Variants in SIPA1L2 observed in about 807,000 individuals in gnomAD.
SIPA1L2 encodes the protein signal-induced proliferation-associated 1-like protein 2.
Under a neutral mutation model 163.9 loss-of-function variants are expected in SIPA1L2, and 56 were observed. The ratio of observed to expected loss-of-function variants is 0.34; its 90% CI spans 0.28 to 0.43. The LOEUF (loss-of-function observed/expected upper bound fraction) is 0.43, where lower values mean the gene tolerates loss of function less well. SIPA1L2 is among the 20% of genes least tolerant of loss of function. SIPA1L2 has a pLI of 1.00. For missense variants in SIPA1L2, 1,974 were observed against 2,193.5 expected (o/e 0.90, Z 2.00); for synonymous variants, 877 against 865.7 (o/e 1.01, Z -0.23).
At position 232,514,022 on chromosome 1, in the gene SIPA1L2, A is replaced by G. The variant is rs1667101723; in HGVS notation, c.1318T>C (p.Cys440Arg). The G allele has an allele frequency of 1.2e-6, 2 of 1,614,206 alleles. No individual in the cohort carries two copies. The highest frequency in any genetic ancestry group is 8.5e-7 in the Non-Finnish European group (1 of 1,180,024). ...GAGCTGAGTGACGATTCGAAAGAGC[A>G]GCTTTCCCCAGAACTGAAAGAGGAT... ...NSSSFSSGESCSFESSLSSHC... is the reference protein window; with the variant it reads ...NSSSFSSGESRSFESSLSSHC... Residue 440 changes from cysteine (C) to arginine (R), a missense_variant, in exon 3 of 23, where the codon TGC becomes CGC. By Grantham distance (180) the Cys-to-Arg change is radical (BLOSUM62 -3). This residue lies in a region of SIPA1L2 where 607 missense variants were observed against 624.0 expected (regional missense o/e 0.97). Transcript: ENST00000674635.
Position 232,514,950 on chromosome 1 carries a change from G to A in SIPA1L2, c.390C>T (p.Leu130=), listed in dbSNP as rs373470985. ...DQSEGQQDEQ[L]DLDFVEAKYT... is the part of the protein sequence containing the mutation. Reference sequence around the variant, plus strand: ...ACTTGGCCTCCACGAAGTCCAGATCGAGCTGTTCATCTTGCTGACCTTCAC... The same window carrying A: ...ACTTGGCCTCCACGAAGTCCAGATCAAGCTGTTCATCTTGCTGACCTTCAC... The change falls in exon 3 of 23, where the codon CTC becomes CTT. Residue 130 remains leucine (L), a synonymous_variant. Transcript: ENST00000674635. 13 of 1,613,968 alleles carry A rather than the reference G, an allele frequency of 8.1e-6. No individual in the cohort carries two copies. Among genetic ancestry groups the A allele is most frequent in the East Asian group, 4.5e-5 (2 of 44,876 alleles).
chr1:232,536,746 A>G (rs1035757386), intron 2 of SIPA1L2, among the ~76,000 whole-genome samples: 11 of 152,222 alleles, frequency 7.2e-5, no homozygotes, highest in Non-Finnish European at 1.0e-4. Context: ...ATTTCACTAT[A>G]TAAGTAATAA....
intron 5 of SIPA1L2, among the ~76,000 whole-genome samples, chr1:232,486,070 C>T (rs570284583): frequency 7.2e-5 from 11 of 152,152 alleles, no homozygotes; most frequent in Admixed American, 2.0e-4. Context: ...TGCCCCAGCA[C>T]GCAAAGGCAG....
At chr1:232,438,527 T>A (rs920899506) in intron 15 of SIPA1L2, among the ~76,000 whole-genome samples, 1 of 152,062 alleles carries the variant, frequency 6.6e-6, no homozygotes, top group Non-Finnish European at 1.5e-5. Context: ...TAAGGAGATA[T>A]TAAACATCTA....
At chr1:232,475,741 C>CA (rs1368456361) in intron 7 of SIPA1L2, among the ~76,000 whole-genome samples, 1 of 152,106 alleles carries the variant, frequency 6.6e-6, no homozygotes, top group African/African-American at 2.4e-5. Context: ...ATAACAAGAG[C>CA]AAATGTACAA....
At chr1:232,522,457 C>T (rs1231183071) in intron 2 of SIPA1L2, among the ~76,000 whole-genome samples, 1 of 151,008 alleles carries the variant, frequency 6.6e-6, no homozygotes, top group Non-Finnish European at 1.5e-5. Flanking sequence ...AAAGCCTTCT[C>T]AAACCTTAAG....
In SIPA1L2 at chr1:232,402,450, G is replaced by T; in HGVS notation, c.4964C>A (p.Thr1655Asn). 1 of 1,613,588 alleles carries T rather than the reference G, an allele frequency of 6.2e-7. No homozygotes were observed. The highest frequency in any genetic ancestry group is 8.5e-7 in the Non-Finnish European group (1 of 1,179,588). The change falls in exon 22 of 23, where the codon ACC (threonine) becomes AAC (asparagine). Residue 1655 changes from threonine to asparagine, a missense_variant. By Grantham distance (65) the Thr-to-Asn change is moderately conservative. Transcript: ENST00000674635. ...TTGERSPSPL[T>N]GKVNQLELIL... ...TAATTCCAGCTGATTGACTTTCCCG[G>T]TCAGTGGTGATGGAGAACGCTCCCT...
chr1:232,509,911 C>T (rs997397233), intron 3 of SIPA1L2, among the ~76,000 whole-genome samples: 11 of 152,258 alleles, frequency 7.2e-5, no homozygotes, highest in South Asian at 2.1e-4. Context: ...TCCTGGTGGC[C>T]GCTCCTTCCC....
In SIPA1L2 at chr1:232,592,618, A is replaced by C. The variant is rs187127816; in HGVS notation, c.-318-18396T>G. On this transcript the variant is annotated intron_variant, in intron 1 of 22. Coordinates refer to ENST00000674635, the MANE Select transcript of SIPA1L2 (RefSeq NM_020808.5). ...AAGAAAAACTTAGTGAATCAAAGGA[A>C]GGAAAGTTTACTGTTACCCCAAAAC... Among the ~76,000 whole-genome samples the C allele has an allele frequency of 1.1e-4, 16 of 152,342 alleles. No individual in the cohort carries two copies. In the East Asian group the frequency reaches 2.9e-3, roughly 28 times the overall value.
chr1:232,479,288 A>C (rs199615515), intron 7 of SIPA1L2, among the ~76,000 whole-genome samples: 17 of 152,348 alleles, frequency 1.1e-4, no homozygotes, highest in South Asian at 1.0e-3. Context: ...TCTATAAATA[A>C]GCTATTTACC....
At chr1:232,518,126 T>C (rs1175362607) in intron 2 of SIPA1L2, among the ~76,000 whole-genome samples, 1 of 152,242 alleles carries the variant, frequency 6.6e-6, no homozygotes, top group Non-Finnish European at 1.5e-5. Flanking sequence ...TTAGGTTCAC[T>C]ACAAAGGATG....
intron 2 of SIPA1L2, among the ~76,000 whole-genome samples, chr1:232,566,008 GC>G (rs1659382362): frequency 1.3e-5 from 2 of 152,162 alleles, no homozygotes; most frequent in African/African-American, 4.8e-5. Flanking sequence ...CTTTCAAGTT[GC>G]CCTTACACTG....
chr1:232,506,762 C>A (rs897077868), intron 3 of SIPA1L2, among the ~76,000 whole-genome samples: 1 of 152,144 alleles, frequency 6.6e-6, no homozygotes, highest in African/African-American at 2.4e-5. Context: ...TACAAGAATT[C>A]TATGGTCGTT....
intron 10 of SIPA1L2, 119 bp from the exon 11 acceptor site, chr1:232,445,905 G>T: frequency 9.1e-7 from 1 of 1,104,682 alleles, no homozygotes; most frequent in Non-Finnish European, 1.3e-6. Context: ...CCGGCTCCAA[G>T]TCAATGATGC....
chr1:232,444,468 A>T (rs915329634), intron 11 of SIPA1L2, among the ~76,000 whole-genome samples: 4 of 152,188 alleles, frequency 2.6e-5, no homozygotes, highest in African/African-American at 9.7e-5. Context: ...TTGAGTTGGG[A>T]GACCCAGAGC....
intron 10 of SIPA1L2, among the ~76,000 whole-genome samples, chr1:232,456,944 T>C (rs1351994402): frequency 6.6e-6 from 1 of 152,164 alleles, no homozygotes; most frequent in African/African-American, 2.4e-5. Context: ...AGTTAATAAG[T>C]GTCCCTCAAG....
At chr1:232,583,993 T>C (rs151053070) in intron 1 of SIPA1L2, among the ~76,000 whole-genome samples, 2 of 151,318 alleles carry the variant, frequency 1.3e-5, no homozygotes, top group African/African-American at 2.5e-5. Flanking sequence ...AAGCTAGCTA[T>C]AAAACCTAAA....
intron 3 of SIPA1L2, among the ~76,000 whole-genome samples, chr1:232,501,050 A>ATTTGTTTTTTTTTTTTTT (rs1666446721): frequency 1.3e-5 from 1 of 78,450 alleles, no homozygotes; most frequent in Non-Finnish European, 2.3e-5. Context: ...GCAATGAAGT[A>ATTTGTTTTTTTTTTTTTT]TTTTTTTTTT....
chr1:232,592,294 A>C (rs1573138006), intron 1 of SIPA1L2, among the ~76,000 whole-genome samples: 1 of 152,220 alleles, frequency 6.6e-6, no homozygotes, highest in Non-Finnish European at 1.5e-5. Context: ...ATTAGCCATG[A>C]AGACAATTTT....
Sources: gnomAD v4.1 joint callset for allele counts (sites outside exome capture counted in the v4.1 genomes callset) on GRCh38, gnomAD v4.1.1 for gene constraint, gnomAD v4.1.1 regional missense constraint, MANE v1.5 for transcripts, NCBI Gene and HGNC (gene_info 2026-07-23, HGNC 2026-07-21) for gene names.